NALCN: variants seen among roughly 807,000 people sequenced by gnomAD.
NALCN encodes sodium leak channel NALCN.
In NALCN, 111 loss-of-function variants were observed where a neutral mutation model predicts 225.3. The ratio of observed to expected loss-of-function variants is 0.49; its 90% CI spans 0.42 to 0.58. NALCN has a LOEUF of 0.58. Among genes scored for constraint, NALCN ranks in the 20% least tolerant of loss-of-function variants. The probability of loss-of-function intolerance (pLI) is 0.00; values close to 1 mark genes in which losing one functional copy is unlikely to be tolerated. For missense variants in NALCN, 1,378 were observed against 2,202.4 expected (o/e 0.63, Z 7.49); for synonymous variants, 764 against 769.0 (o/e 0.99, Z 0.11).
chr13:101,146,839 T>C (rs12873245), intron 15 of NALCN, among the ~76,000 whole-genome samples: 36,926 of 151,948 alleles, frequency 0.24, 5,250 homozygotes, highest in Non-Finnish European at 0.32. Context: ...TAGATAGTTC[T>C]ATAAAGAGAC....
intron 15 of NALCN, among the ~76,000 whole-genome samples, chr13:101,158,921 A>G (rs949849523): frequency 2.1e-4 from 32 of 152,194 alleles, no homozygotes; most frequent in Non-Finnish European, 2.9e-5. Flanking sequence ...GAAGATAATC[A>G]GGAATAAGAG....
intron 17 of NALCN, among the ~76,000 whole-genome samples, chr13:101,131,715 G>A (rs2036529526): frequency 6.6e-6 from 1 of 152,086 alleles, no homozygotes; most frequent in Non-Finnish European, 1.5e-5. Flanking sequence ...CAAATCATGT[G>A]GCTGTTTGTC....
intron 13 of NALCN, among the ~76,000 whole-genome samples, chr13:101,207,350 T>C (rs1020911818): frequency 2.1e-4 from 32 of 152,380 alleles, no homozygotes; most frequent in South Asian, 6.2e-4. Context: ...TTGTATTTCA[T>C]ATTTTGTTTA....
intron 17 of NALCN, among the ~76,000 whole-genome samples, chr13:101,133,874 G>C (rs1367515886): frequency 1.3e-5 from 2 of 152,120 alleles, no homozygotes; most frequent in Non-Finnish European, 2.9e-5. Flanking sequence ...GATGGGTCAA[G>C]ATTTCTTATT....
Position 101,059,823 on chromosome 13 carries a change from G to A in NALCN, c.4900C>T (p.Pro1634Ser), listed in dbSNP as rs1342475043. The A allele has an allele frequency of 6.2e-7, 1 of 1,613,932 alleles. No homozygotes were observed. Among genetic ancestry groups the A allele is most frequent in the Non-Finnish European group, 8.5e-7 (1 of 1,179,994 alleles). The part of the protein sequence containing the change: ...NANSQDNSMQ[P>S]ETSSQQQLLS... Reference sequence around the variant, plus strand: ...AGGACGCCTCGTGCCCATACCTCAGGTTGCATGCTGTTGTCCTGACTGTTG... The same window carrying A: ...AGGACGCCTCGTGCCCATACCTCAGATTGCATGCTGTTGTCCTGACTGTTG... Residue 1634 changes from proline (P) to serine (S), a missense_variant, in exon 42 of 44, where the codon CCT becomes TCT. This residue lies in a region of NALCN where 145 missense variants were observed against 169.6 expected (regional missense o/e 0.85). Coordinates refer to ENST00000251127, the MANE Select transcript of NALCN (RefSeq NM_052867.4).
chr13:101,288,199 T>C (rs2043411851), intron 9 of NALCN, among the ~76,000 whole-genome samples: 1 of 152,236 alleles, frequency 6.6e-6, no homozygotes, highest in Non-Finnish European at 1.5e-5. Context: ...TCTATTATTA[T>C]GGTTTCTTAT....
At chr13:101,304,339 G>T (rs1221683750) in intron 7 of NALCN, among the ~76,000 whole-genome samples, 1 of 152,008 alleles carries the variant, frequency 6.6e-6, no homozygotes. Context: ...TATGCATGTG[G>T]CATGATGGTT....
chr13:101,291,253 T>C (rs1299267563), intron 9 of NALCN, among the ~76,000 whole-genome samples: 1 of 152,230 alleles, frequency 6.6e-6, no homozygotes, highest in African/African-American at 2.4e-5. Flanking sequence ...CTGAATGAAA[T>C]ATATTTTCCA....
chr13:101,257,209 G>GGT (rs781168357), intron 11 of NALCN, among the ~76,000 whole-genome samples: 1 of 121,118 alleles, frequency 8.3e-6, no homozygotes, highest in Non-Finnish European at 1.7e-5. Flanking sequence ...ATTGTTTATT[G>GGT]TTTTTTTTTT....
intron 6 of NALCN, among the ~76,000 whole-genome samples, chr13:101,371,015 T>C (rs1387139979): frequency 6.6e-6 from 1 of 152,258 alleles, no homozygotes; most frequent in Non-Finnish European, 1.5e-5. Flanking sequence ...ACATGTCCTC[T>C]TTTTAAATCT....
chr13:101,124,636 T>C lies in NALCN; in HGVS notation c.2164A>G (p.Lys722Glu). The C allele has an allele frequency of 1.4e-5, 22 of 1,614,128 alleles. No homozygotes were observed. The highest frequency in any genetic ancestry group is 1.9e-5 in the Non-Finnish European group (22 of 1,179,998). The change falls in exon 18 of 44, where the codon AAG becomes GAG. Residue 722 changes from lysine (K) to glutamate (E), a missense_variant. Transcript: ENST00000251127. ...AAGATTTTAGTGACTGCGGTCTCCTTTTCCAGAAGGTTCCTTGCCCTGATG... is the reference window on the plus strand; with the variant it reads ...AAGATTTTAGTGACTGCGGTCTCCTCTTCCAGAAGGTTCCTTGCCCTGATG... ...FSIRARNLLEKETAVTKILRA... is the reference protein window; with the variant it reads ...FSIRARNLLEEETAVTKILRA...
intron 15 of NALCN, among the ~76,000 whole-genome samples, chr13:101,173,249 G>T (rs541636309): frequency 6.6e-6 from 1 of 152,216 alleles, no homozygotes; most frequent in Non-Finnish European, 1.5e-5. Context: ...ATATGAGGAT[G>T]CCTTTGTTAT....
chr13:101,174,824 CA>C (rs1263280832), intron 15 of NALCN, among the ~76,000 whole-genome samples: 1 of 152,116 alleles, frequency 6.6e-6, no homozygotes, highest in Non-Finnish European at 1.5e-5. Flanking sequence ...ATAGAATACA[CA>C]TTGTAACATA....
At chr13:101,302,040 G>C (rs2043991476) in intron 7 of NALCN, among the ~76,000 whole-genome samples, 1 of 152,128 alleles carries the variant, frequency 6.6e-6, no homozygotes, top group African/African-American at 2.4e-5. Context: ...AGATTTATTG[G>C]AAGGAAATCT....
chr13:101,061,973 T>A lies in NALCN; in HGVS notation c.4750A>T (p.Arg1584Ter). The A allele has an allele frequency of 6.2e-7, 1 of 1,613,836 alleles. No individual in the cohort carries two copies. The highest frequency in any genetic ancestry group is 2.2e-5 in the East Asian group (1 of 44,880). ...MWLKKCLKRI[R>*]AKQQQSCSII... is the part of the protein sequence containing the mutation. ...CATGTGTGCAGTTCACTCACAGCTC[T>A]GATGCGCTTCAGGCACTTCTTGAGC... Residue 1584 changes from arginine to a stop codon, truncating the protein, a stop_gained, in exon 41 of 44, where the codon AGA (arginine) becomes TGA (stop). Coordinates refer to ENST00000251127, the MANE Select transcript of NALCN (RefSeq NM_052867.4). LOFTEE classifies it high-confidence loss of function.
At chr13:101,190,892 T>C (rs1041441688) in intron 14 of NALCN, among the ~76,000 whole-genome samples, 5 of 152,182 alleles carry the variant, frequency 3.3e-5, no homozygotes, top group African/African-American at 4.8e-5. Flanking sequence ...CAATAATAAT[T>C]AGCTGCAAGA....
At chr13:101,313,508 T>C (rs1386443267) in intron 7 of NALCN, among the ~76,000 whole-genome samples, 1 of 151,798 alleles carries the variant, frequency 6.6e-6, no homozygotes, top group African/African-American at 2.4e-5. Context: ...AAAAAGTGGG[T>C]GAAGGATATG....
intron 30 of NALCN, among the ~76,000 whole-genome samples, chr13:101,088,500 C>A (rs1315197381): frequency 6.6e-6 from 1 of 152,178 alleles, no homozygotes. Context: ...GTAATAGGCA[C>A]CAATTCTGAA....
rs115809531 is a variant in NALCN, at chr13:101,262,063, T to C, written c.1135-3489A>G. Among the ~76,000 whole-genome samples the C allele has an allele frequency of 4.1e-3, 617 of 152,330 alleles. 3 individuals are homozygous for C. The highest frequency in any genetic ancestry group is 0.014 in the African/African-American group (576 of 41,572). On this transcript the variant is annotated intron_variant, in intron 10 of 43. Coordinates refer to ENST00000251127, the MANE Select transcript of NALCN (RefSeq NM_052867.4). ...TGAGGGGTTTTACCATGAAGAGATG[T>C]TGAATTTTGCCAAATGCTTTTTTAG...
Sources: gnomAD v4.1 joint callset for allele counts (sites outside exome capture counted in the v4.1 genomes callset) on GRCh38, gnomAD v4.1.1 for gene constraint, gnomAD v4.1.1 regional missense constraint, MANE v1.5 for transcripts, NCBI Gene and HGNC (gene_info 2026-07-23, HGNC 2026-07-21) for gene names.